The following CGN variants were observed in gnomAD, a reference collection of about 807,000 sequenced individuals.
CGN encodes the protein cingulin.
A neutral mutation model predicts 157.1 loss-of-function variants in CGN; 121 were observed. The observed-to-expected ratio is 0.77, with a 90% CI of 0.66 to 0.90. The LOEUF is 0.90. Among genes scored for constraint, CGN ranks in the 40% least tolerant of loss-of-function variants. The probability of loss-of-function intolerance (pLI) is 0.00; values close to 1 mark genes in which losing one functional copy is unlikely to be tolerated. For missense variants in CGN, 1,424 were observed against 1,520.9 expected, an observed-to-expected ratio of 0.94 and a Z score of 1.06; for synonymous variants, 535 against 607.5, an observed-to-expected ratio of 0.88 and a Z score of 1.76.
intron 14 of CGN, 38 bp downstream of exon 14, chr1:151,532,610 CTCTT>C: frequency 3.3e-5 from 35 of 1,066,518 alleles, no homozygotes; most frequent in Non-Finnish European, 3.9e-5. Context: ...AGGTCCTTGC[CTCTT>C]TTTTTTTTTT....
upstream of CGN, among the ~76,000 whole-genome samples, chr1:151,510,782 T>C (rs563789511): frequency 2.6e-5 from 4 of 152,258 alleles, no homozygotes; most frequent in African/African-American, 9.6e-5. Context: ...TTTTTAAAAT[T>C]ATGTTATTAA....
intron 9 of CGN, 40 bp downstream of exon 9, chr1:151,525,830 A>G (rs764017839): frequency 1.5e-6 from 2 of 1,346,718 alleles, no homozygotes; most frequent in Non-Finnish European, 2.0e-6. Context: ...CATGATTCAT[A>G]TGCCACTTCC....
rs746121633 is a variant in CGN, at chr1:151,532,389, C to G, written c.2572-13C>G. Reference sequence around the variant, plus strand: ...TATGTACAGTGCTGAAGACCCTTTTCTCTGTGTTTCAGTTGGAGAAGATCG... The same window carrying G: ...TATGTACAGTGCTGAAGACCCTTTTGTCTGTGTTTCAGTTGGAGAAGATCG... On this transcript the variant is annotated splice_polypyrimidine_tract_variant and intron_variant, in intron 13 of 20. Transcript: ENST00000271636. The G allele has an allele frequency of 6.5e-7, 1 of 1,542,086 alleles. No individual in the cohort carries two copies. Among genetic ancestry groups the G allele is most frequent in the South Asian group, 1.3e-5 (1 of 78,320 alleles).
chr1:151,521,762 C>G (rs761402690), intron 5 of CGN, among the ~76,000 whole-genome samples: 2 of 152,104 alleles, frequency 1.3e-5, no homozygotes, highest in Non-Finnish European at 2.9e-5. Flanking sequence ...TACTTGCACC[C>G]GGGAGGTGGA....
chr1:151,521,168 T>A (rs1664535535), intron 5 of CGN, among the ~76,000 whole-genome samples: 1 of 149,120 alleles, frequency 6.7e-6, no homozygotes, highest in South Asian at 2.1e-4. Flanking sequence ...CTAAGTAAAT[T>A]GCCTATGGTA....
rs1557986482 is a variant in CGN, at chr1:151,519,180, C to T, written c.661C>T (p.Arg221Trp). The stretch of plus-strand genomic sequence containing the variant: ...CAAGAGCCTGGACAGCCGCCTCCCA[C>T]GGGACACCTTTGAGGAACGGGAGCG... The part of the protein sequence containing the change: ...RSKSLDSRLP[R>W]DTFEERERQS... Residue 221 changes from arginine (R) to tryptophan (W), a missense_variant, in exon 2 of 21, where the codon CGG becomes TGG. Physicochemically the swap from Arg to Trp is moderately radical, Grantham distance 101. Transcript: ENST00000271636. 11 of 1,614,134 alleles carry T rather than the reference C, an allele frequency of 6.8e-6. No homozygotes were observed. The highest frequency in any genetic ancestry group is 6.6e-5 in the South Asian group (6 of 91,088).
chr1:151,523,332 T>C, intron 5 of CGN, 102 bp from the exon 6 acceptor site: 1 of 1,117,752 alleles, frequency 8.9e-7, no homozygotes, highest in Non-Finnish European at 1.3e-6. Context: ...GTGTCTATCA[T>C]ACAGCAAGTG....
At chr1:151,510,618 C>G (rs1217242030), upstream of CGN, 1 of 152,008 alleles carries the variant, frequency 6.6e-6, no homozygotes, top group African/African-American at 2.4e-5. Context: ...ATTTGCGTCC[C>G]CGGTTTCCAT....
Position 151,536,817 on chromosome 1 carries a change from C to A in CGN, c.3394C>A (p.Gln1132Lys). 6.2e-7 allele frequency: 1 copy of A among 1,614,136 alleles called. No individual in the cohort carries two copies. The highest frequency in any genetic ancestry group is 8.5e-7 in the Non-Finnish European group (1 of 1,180,024). Reference protein sequence around the residue: ...ERLDGLRKKAQREVEEQHEVN... With the variant: ...ERLDGLRKKAKREVEEQHEVN... Reference sequence around the variant, plus strand: ...ACTGGACGGCCTGAGGAAGAAGGCCCAGCGTGAGGTGGAGGAGCAGCATGA... The same window carrying A: ...ACTGGACGGCCTGAGGAAGAAGGCCAAGCGTGAGGTGGAGGAGCAGCATGA... The change falls in exon 20 of 21, where the codon CAG becomes AAG. Residue 1132 changes from glutamine (Q) to lysine (K), a missense_variant. Physicochemically the swap from Gln to Lys is moderately conservative, Grantham distance 53. Transcript: ENST00000271636.
chr1:151,525,608 G>A (rs909991507), intron 8 of CGN, 34 bp from the exon 9 acceptor site: 13 of 1,520,604 alleles, frequency 8.5e-6, no homozygotes, highest in South Asian at 1.3e-5. Flanking sequence ...TCTTCCCTCT[G>A]AGCCTTCTGG....
rs752620745 is a variant in CGN, at chr1:151,530,511, A to G, written c.2336A>G (p.Glu779Gly). The part of the protein sequence containing the change: ...RLEAEKQQLE[E>G]ALNASQEEEG... Reference sequence around the variant, plus strand: ...CAGGCAGAGAAACAGCAGCTGGAGGAGGCCCTGAATGCGTCCCAGGAAGAG... The same window carrying G: ...CAGGCAGAGAAACAGCAGCTGGAGGGGGCCCTGAATGCGTCCCAGGAAGAG... Residue 779 changes from glutamate to glycine, a missense_variant, in exon 13 of 21, where the codon GAG (glutamate) becomes GGG (glycine). Transcript: ENST00000271636. The G allele has an allele frequency of 6.3e-7, 1 of 1,595,052 alleles. No homozygotes were observed. The highest frequency in any genetic ancestry group is 1.1e-5 in the South Asian group (1 of 88,958).
chr1:151,520,172 T>A lies in CGN; in HGVS notation c.880T>A (p.Ser294Thr). Residue 294 changes from serine (S) to threonine (T), a missense_variant, in exon 3 of 21, where the codon TCA (serine) becomes ACA (threonine). Ser to Thr is a moderately conservative substitution (Grantham distance 58). Coordinates refer to ENST00000271636, the MANE Select transcript of CGN (RefSeq NM_020770.3). ...AQDPTMLQFKSTPDLLRDQQE... is the reference protein window; with the variant it reads ...AQDPTMLQFKTTPDLLRDQQE... ...TTTTCTTTTTTTTTAACAGTTCAAA[T>A]CAACTCCAGACCTCCTTCGAGACCA... 1.2e-6 allele frequency: 2 copies of A among 1,605,144 alleles called. No individual in the cohort carries two copies. The highest frequency in any genetic ancestry group is 1.7e-6 in the Non-Finnish European group (2 of 1,175,292).
chr1:151,533,447 G>A (rs912424383), intron 14 of CGN, among the ~76,000 whole-genome samples: 1 of 151,794 alleles, frequency 6.6e-6, no homozygotes, highest in South Asian at 2.1e-4. Flanking sequence ...CTGCATTCCA[G>A]CCTGGGCGAC....
intron 2 of CGN, 32 bp from the exon 3 acceptor site, chr1:151,520,134 C>CTT: frequency 7.9e-6 from 11 of 1,398,250 alleles, no homozygotes; most frequent in Admixed American, 2.1e-5. Flanking sequence ...TTCTTTCTTT[C>CTT]TTTTTTTTTT....
At position 151,530,140 on chromosome 1, in the gene CGN, C is replaced by G. The variant is rs1664800196; in HGVS notation, c.2313+25C>G. The G allele has an allele frequency of 4.4e-6, 7 of 1,598,130 alleles. No individual in the cohort carries two copies. In the East Asian group the frequency reaches 9.0e-5, roughly 20 times the overall value. On this transcript the variant is annotated intron_variant, in intron 12 of 20. Transcript: ENST00000271636. ...GGTCAGTGGTTCTGCCCTCCCAGCC[C>G]TCTCTGCTCAGCCCTGGTGAAATAC...
Position 151,534,047 on chromosome 1 carries a change from C to G in CGN, c.2815C>G (p.Leu939Val), listed in dbSNP as rs1664903658. Residue 939 changes from leucine to valine, a missense_variant, in exon 15 of 21, where the codon CTG (leucine) becomes GTG (valine). By Grantham distance (32) the Leu-to-Val change is conservative. This residue lies in a region of CGN where 1,187 missense variants were observed against 1,217.6 expected (regional missense o/e 0.97). Transcript: ENST00000271636. ...RDTARLDKEL[L>V]AQRLQGLEQE... ...CACAGCCCGGCTGGACAAAGAGCTA[C>G]TGGCCCAGCGACTGCAGGGGCTGGA... is the stretch of plus-strand genomic sequence containing the variant. 1 of 1,613,824 alleles carries G rather than the reference C, an allele frequency of 6.2e-7. No individual in the cohort carries two copies. The highest frequency in any genetic ancestry group is 1.3e-5 in the African/African-American group (1 of 75,060).
Position 151,530,110 on chromosome 1 carries a change from C to T in CGN, c.2308C>T (p.Leu770=). 1 of 1,611,042 alleles carries T rather than the reference C, an allele frequency of 6.2e-7. No individual in the cohort carries two copies. The highest frequency in any genetic ancestry group is 8.5e-7 in the Non-Finnish European group (1 of 1,177,640). Residue 770 remains leucine, a synonymous_variant, in exon 12 of 21, where the codon CTG becomes TTG. Transcript: ENST00000271636. ...ACGACTACGGGACAAGCTGCAGCGG[C>T]TGGAGGTCAGTGGTTCTGCCCTCCC... ...EARLRDKLQR[L]EAEKQQLEEA...
Position 151,525,742 on chromosome 1 carries a change from A to C in CGN, c.1715A>C (p.Gln572Pro). ...EETSEETGHW[Q>P]SMFQKNKEDL... The stretch of plus-strand genomic sequence containing the variant: ...ACTTCAGAGGAGACAGGGCATTGGC[A>C]GAGTATGTTCCAGAAGAACAAGGAG... The change falls in exon 9 of 21, where the codon CAG becomes CCG. Residue 572 changes from glutamine to proline, a missense_variant. Gln to Pro is a moderately conservative substitution (Grantham distance 76). This residue lies in a region of CGN where 1,187 missense variants were observed against 1,217.6 expected (regional missense o/e 0.97). Coordinates refer to ENST00000271636, the MANE Select transcript of CGN (RefSeq NM_020770.3). 1 of 1,611,126 alleles carries C rather than the reference A, an allele frequency of 6.2e-7. No individual in the cohort carries two copies. The highest frequency in any genetic ancestry group is 8.5e-7 in the Non-Finnish European group (1 of 1,178,474).
At chr1:151,518,279 T>G (rs371477680) in intron 1 of CGN, among the ~76,000 whole-genome samples, 40 of 152,300 alleles carry the variant, frequency 2.6e-4, no homozygotes, top group African/African-American at 9.6e-4. Context: ...CCTGGGGAAC[T>G]TGGTTAGAAA....
Sources: gnomAD v4.1 joint callset for allele counts (sites outside exome capture counted in the v4.1 genomes callset) on GRCh38, gnomAD v4.1.1 for gene constraint, gnomAD v4.1.1 regional missense constraint, MANE v1.5 for transcripts, NCBI Gene and HGNC (gene_info 2026-07-23, HGNC 2026-07-21) for gene names.